TTLL5: variants seen among roughly 807,000 people sequenced by gnomAD.
TTLL5 encodes tubulin polyglutamylase TTLL5.
A neutral mutation model predicts 168.4 loss-of-function variants in TTLL5; 132 were observed. The ratio of observed to expected loss-of-function variants is 0.78; its 90% CI spans 0.68 to 0.91. The LOEUF (loss-of-function observed/expected upper bound fraction) is 0.91. TTLL5 is among the 40% of genes least tolerant of loss of function. TTLL5 has a pLI of 0.00. For synonymous variants in TTLL5, 546 were observed against 558.6 expected, an observed-to-expected ratio of 0.98 and a Z score of 0.32; for missense variants, 1,545 against 1,581.5, an observed-to-expected ratio of 0.98 and a Z score of 0.39.
At chr14:75,773,210 C>G (rs192719550) in intron 21 of TTLL5, among the ~76,000 whole-genome samples, 3 of 152,324 alleles carry the variant, frequency 2.0e-5, no homozygotes, top group Admixed American at 6.5e-5. Context: ...GTGAATAATC[C>G]TTCAACCATC....
rs528847821 is a variant in TTLL5, at chr14:75,954,754, A to G, written c.*308A>G. The G allele has an allele frequency of 4.7e-6, 2 of 423,098 alleles. No homozygotes were observed. Among genetic ancestry groups the G allele is most frequent in the South Asian group, 9.2e-5 (2 of 21,710 alleles). 26.2% of individuals were successfully genotyped at this position (423,098 alleles called of 1,614,324 possible). A position where few individuals can be genotyped will look rare whatever the true frequency, so the allele number is the denominator to read the frequency against. ...ACCTTCCCTTTGCCCCATGCCCCCA[A>G]ACTGCTTAGGTCTTCTCTGTCCCTT... is the stretch of plus-strand genomic sequence containing the variant. On this transcript the variant is annotated 3_prime_UTR_variant, in exon 32 of 32. Transcript: ENST00000298832.
intron 18 of TTLL5, among the ~76,000 whole-genome samples, chr14:75,761,236 G>A (rs764961793): frequency 6.6e-6 from 1 of 152,014 alleles, no homozygotes. Flanking sequence ...ACTAAATGGT[G>A]GTAAGGATGT....
intron 28 of TTLL5, among the ~76,000 whole-genome samples, chr14:75,827,138 A>C (rs2140429049): frequency 6.6e-6 from 1 of 152,342 alleles, no homozygotes; most frequent in South Asian, 2.1e-4. Flanking sequence ...TGTGGGACAA[A>C]GTTTTGGTAT....
In TTLL5 at chr14:75,743,861, A is replaced by G. The variant is rs368727111; in HGVS notation, c.1282-1234A>G. Among the ~76,000 whole-genome samples the G allele has an allele frequency of 4.1e-3, 630 of 152,094 alleles. 2 individuals are homozygous for G. Among genetic ancestry groups the G allele is most frequent in the African/African-American group, 0.013 (519 of 41,490 alleles). On this transcript the variant is annotated intron_variant, in intron 15 of 31. Transcript: ENST00000298832. ...CTCCCAAAGTGCTGGGATTACAGGC[A>G]TGAGCCACCGTGCCCAGCCACCATC... is the stretch of plus-strand genomic sequence containing the variant.
chr14:75,884,870 A>T (rs1000578407), intron 30 of TTLL5, among the ~76,000 whole-genome samples: 1 of 138,912 alleles, frequency 7.2e-6, no homozygotes, highest in East Asian at 2.0e-4. Flanking sequence ...TGATAAAGTT[A>T]AAAAAAAAAA....
intron 7 of TTLL5, among the ~76,000 whole-genome samples, chr14:75,700,217 T>A (rs906064405): frequency 1.3e-5 from 2 of 151,366 alleles, no homozygotes; most frequent in Non-Finnish European, 2.9e-5. Context: ...CACCAAGGAG[T>A]GTCAGGTGAT....
chr14:75,835,692 C>T (rs556260511), intron 28 of TTLL5: 1 of 152,248 alleles, frequency 6.6e-6, no homozygotes, highest in South Asian at 2.1e-4. Flanking sequence ...ATTCAAACAA[C>T]TCTGTAGGAA....
At chr14:75,775,462 C>T (rs1198403730) in intron 21 of TTLL5, 22 bp from the exon 22 acceptor site, 1 of 1,598,772 alleles carries the variant, frequency 6.3e-7, no homozygotes, top group African/African-American at 1.4e-5. Flanking sequence ...TTTTTTTTCT[C>T]CCACGACTCT....
chr14:75,835,720 T>G (rs1040103393), intron 28 of TTLL5, among the ~76,000 whole-genome samples: 4 of 152,046 alleles, frequency 2.6e-5, no homozygotes, highest in Non-Finnish European at 5.9e-5. Flanking sequence ...AATAATCCAA[T>G]TAAAAATAGG....
chr14:75,763,112 C>T (rs143430456), intron 18 of TTLL5, among the ~76,000 whole-genome samples: 15 of 151,174 alleles, frequency 9.9e-5, no homozygotes, highest in African/African-American at 2.4e-4. Flanking sequence ...CAAATTTGAC[C>T]AAGTTTAAAA....
chr14:75,673,435 G>A (rs184911014), intron 3 of TTLL5, among the ~76,000 whole-genome samples: 117 of 152,314 alleles, frequency 7.7e-4, no homozygotes, highest in African/African-American at 2.6e-3. Flanking sequence ...GGACTGTCTT[G>A]TGGTATGGTG....
At chr14:75,814,308 G>GAAA (rs1023799207) in intron 27 of TTLL5, among the ~76,000 whole-genome samples, 29 of 152,304 alleles carry the variant, frequency 1.9e-4, no homozygotes, top group African/African-American at 6.7e-4. Flanking sequence ...ATTTAGCAAT[G>GAAA]AAATGTTGAT....
At chr14:75,891,933 T>C (rs992067730) in intron 30 of TTLL5, among the ~76,000 whole-genome samples, 1 of 152,226 alleles carries the variant, frequency 6.6e-6, no homozygotes, top group African/African-American at 2.4e-5. Flanking sequence ...TGACATATAT[T>C]GCATCCAATG....
intron 31 of TTLL5, among the ~76,000 whole-genome samples, chr14:75,946,378 A>G (rs1231924723): frequency 1.3e-5 from 2 of 152,260 alleles, no homozygotes; most frequent in Non-Finnish European, 2.9e-5. Flanking sequence ...AAAAAAATAG[A>G]AAACTTCCAA....
At chr14:75,872,845 A>G (rs969603587) in intron 29 of TTLL5, among the ~76,000 whole-genome samples, 14 of 147,996 alleles carry the variant, frequency 9.5e-5, no homozygotes, top group African/African-American at 3.5e-4. Flanking sequence ...CAGGAGGCGG[A>G]GGTTGCAGTG....
At chr14:75,803,734 G>T (rs1893478521) in intron 27 of TTLL5, among the ~76,000 whole-genome samples, 1 of 152,162 alleles carries the variant, frequency 6.6e-6, no homozygotes, top group Admixed American at 6.5e-5. Flanking sequence ...GGCCAATAGG[G>T]TACTGAGCTT....
rs772656461 is a variant in TTLL5, at chr14:75,820,008, TAACA to T, written c.3177_3180del (p.Asn1060Ter). On this transcript the variant is annotated frameshift_variant and splice_region_variant, in exon 28 of 32. Transcript: ENST00000298832. LOFTEE classifies it high-confidence loss of function. ...TTATTTCCCTCGCTTTATTTCTAGG[TAACA>T]AACCTGAATTTGGCAACTGGCATCA... 3.2e-5 allele frequency: 51 copies of T among 1,595,404 alleles called. 2 individuals carry two copies. In the East Asian group the frequency reaches 1.1e-3, roughly 35 times the overall value.
rs1047406576 is a variant in TTLL5, at chr14:75,792,860, A to AT, written c.2987-49dup. ...ACCTGAGATTTCTGTCATTATCCTA[A>AT]TTTTTTTCAGGCCTTTTTTTCCTAA... On this transcript the variant is annotated intron_variant, in intron 26 of 31. Coordinates refer to ENST00000298832, the MANE Select transcript of TTLL5 (RefSeq NM_015072.5). 23 of 1,469,678 alleles carry AT rather than the reference A, an allele frequency of 1.6e-5. No individual in the cohort carries two copies. The African/African-American group carries it at 2.8e-4, about 18-fold the overall frequency. 91.0% of individuals were successfully genotyped at this position (1,469,678 alleles called of 1,614,324 possible).
intron 31 of TTLL5, among the ~76,000 whole-genome samples, chr14:75,936,913 C>T (rs1312973702): frequency 6.6e-6 from 1 of 152,096 alleles, no homozygotes; most frequent in Non-Finnish European, 1.5e-5. Context: ...AGTAAATTTC[C>T]CTGCTTTCCA....
Sources: allele counts gnomAD v4.1 joint callset (sites outside exome capture counted in the v4.1 genomes callset), GRCh38; gene constraint gnomAD v4.1.1; transcripts MANE v1.5; gene names NCBI Gene and HGNC (gene_info 2026-07-23, HGNC 2026-07-21).